PRPF6: variants seen among roughly 807,000 people sequenced by gnomAD.
PRPF6 encodes the protein pre-mRNA-processing factor 6.
In PRPF6, 42 loss-of-function variants were observed where a neutral mutation model predicts 118.3. The observed-to-expected ratio is 0.35, with a 90% CI of 0.28 to 0.46. The LOEUF (loss-of-function observed/expected upper bound fraction) is 0.46, where lower values mean the gene tolerates loss of function less well. Among genes scored for constraint, PRPF6 ranks in the 20% least tolerant of loss-of-function variants. PRPF6 has a pLI of 1.00. For synonymous variants in PRPF6, 481 were observed against 485.1 expected (o/e 0.99, Z 0.11); for missense variants, 662 against 1,255.7 (o/e 0.53, Z 7.15).
chr20:63,994,402 C>G (rs942536729), intron 4 of PRPF6, among the ~76,000 whole-genome samples: 2 of 152,176 alleles, frequency 1.3e-5, no homozygotes, highest in African/African-American at 4.8e-5. Flanking sequence ...GGTGATCTGC[C>G]CGCTTTGGCC....
At chr20:64,003,407 T>C (rs2059176356) in intron 9 of PRPF6, among the ~76,000 whole-genome samples, 1 of 152,172 alleles carries the variant, frequency 6.6e-6, no homozygotes, top group Admixed American at 6.5e-5. Flanking sequence ...GGCTCTTTGG[T>C]AGAAAGCCCC....
chr20:64,022,457 G>A (rs1041562238), intron 12 of PRPF6, among the ~76,000 whole-genome samples: 1 of 152,314 alleles, frequency 6.6e-6, no homozygotes, highest in East Asian at 1.9e-4. Flanking sequence ...ACAGGCGCAT[G>A]CCACCACGTC....
intron 3 of PRPF6, among the ~76,000 whole-genome samples, chr20:63,986,598 C>T (rs2059094631): frequency 6.7e-6 from 1 of 150,178 alleles, no homozygotes; most frequent in Non-Finnish European, 1.5e-5. Context: ...AAGTGATTCT[C>T]CTGCCTCAGC....
intron 19 of PRPF6, 31 bp from the exon 20 acceptor site, chr20:64,031,887 A>C (rs1232654270): frequency 1.2e-6 from 2 of 1,613,526 alleles, no homozygotes; most frequent in South Asian, 2.2e-5. Context: ...GCAGCCACTC[A>C]CTCTGGGTTC....
chr20:64,032,027 C>T lies in PRPF6; in HGVS notation c.2656C>T (p.Leu886=), dbSNP rs1158674776. The T allele has an allele frequency of 2.5e-6, 4 of 1,613,990 alleles. No homozygotes were observed. The African/African-American group carries it at 5.3e-5, about 22-fold the overall frequency. ...CTGGGCCTTCTTCTACAAGTTTGAG[C>T]TGCAGCATGGCACTGAGGTGAGGCC... is the stretch of plus-strand genomic sequence containing the variant. ...DAWAFFYKFE[L]QHGTEEQQEE... The change falls in exon 20 of 21, where the codon CTG becomes TTG. Residue 886 remains leucine (L), a synonymous_variant. Coordinates refer to ENST00000266079, the MANE Select transcript of PRPF6 (RefSeq NM_012469.4).
Position 64,029,857 on chromosome 20 carries a change from C to A in PRPF6, c.2546+366C>A, listed in dbSNP as rs1278626303. On this transcript the variant is annotated intron_variant, in intron 19 of 20. Coordinates refer to ENST00000266079, the MANE Select transcript of PRPF6 (RefSeq NM_012469.4). This position sits in a 1 kb window ranked among gnomAD's most constrained non-coding sequence, Gnocchi z 4.8. ...CTCTGGTCGCCGGGTCAGAGACTCA[C>A]TGGGGACGCATGTGATTCACACTGG... 2.6e-5 allele frequency among the ~76,000 whole-genome samples: 4 copies of A among 151,538 alleles called. No individual in the cohort carries two copies. Among genetic ancestry groups the A allele is most frequent in the African/African-American group, 9.7e-5 (4 of 41,114 alleles).
chr20:64,030,244 G>A (rs558670295), intron 19 of PRPF6, among the ~76,000 whole-genome samples: 1 of 152,334 alleles, frequency 6.6e-6, no homozygotes, highest in African/African-American at 2.4e-5. Context: ...ACCATGTGGG[G>A]TGAAGGGAGT....
chr20:63,986,855 CA>C (rs2059096307), intron 3 of PRPF6, among the ~76,000 whole-genome samples: 1 of 150,602 alleles, frequency 6.6e-6, no homozygotes, highest in African/African-American at 2.4e-5. Context: ...TAAAAACTCT[CA>C]AAAAACTGCA....
rs1246451499 is a variant in PRPF6 at position 64,027,214 on chromosome 20, G to GC, written c.2205+61dup. 6.3e-7 allele frequency: 1 copy of GC among 1,598,674 alleles called. No individual in the cohort carries two copies. The highest frequency in any genetic ancestry group is 1.1e-5 in the South Asian group (1 of 89,940). On this transcript the variant is annotated intron_variant, in intron 16 of 20. Transcript: ENST00000266079. This position sits in a 1 kb window ranked among gnomAD's most constrained non-coding sequence, Gnocchi z 6.5. Reference sequence around the variant, plus strand: ...GCTGACCCGGCATTCACAAAACTGAGCCCCCTGGTGCAGGGTCATTGCCCT... The same window carrying GC: ...GCTGACCCGGCATTCACAAAACTGAGCCCCCCTGGTGCAGGGTCATTGCCCT...
intron 6 of PRPF6, among the ~76,000 whole-genome samples, chr20:63,997,552 G>T (rs1354730744): frequency 6.6e-6 from 1 of 151,676 alleles, no homozygotes. Context: ...CACCTCCTGG[G>T]TTCAGGTGAT....
intron 2 of PRPF6, among the ~76,000 whole-genome samples, chr20:63,983,588 C>G (rs1601506209): frequency 7.1e-6 from 1 of 141,706 alleles, no homozygotes; most frequent in African/African-American, 2.7e-5. Context: ...GAATTTCGCT[C>G]TTGTCGGAAG....
At chr20:64,014,189 C>G (rs1381766401) in intron 11 of PRPF6, among the ~76,000 whole-genome samples, 3 of 152,068 alleles carry the variant, frequency 2.0e-5, no homozygotes, top group Non-Finnish European at 4.4e-5. Context: ...ATCCACCTGC[C>G]TCGGCCTCCC....
At chr20:64,020,550 C>A (rs1601528897) in intron 12 of PRPF6, among the ~76,000 whole-genome samples, 1 of 152,160 alleles carries the variant, frequency 6.6e-6, no homozygotes, top group Non-Finnish European at 1.5e-5. Flanking sequence ...AGACGAACCC[C>A]CAGAGGCTTT....
intron 20 of PRPF6, among the ~76,000 whole-genome samples, 172 bp from the exon 21 acceptor site, chr20:64,032,669 A>AG (rs1305669861): frequency 3.3e-5 from 5 of 152,162 alleles, no homozygotes; most frequent in African/African-American, 1.2e-4. Context: ...GGCTCCTTTG[A>AG]GGAACACACC....
chr20:64,016,859 AG>A lies in PRPF6; in HGVS notation c.1647+18del. The A allele has an allele frequency of 1.9e-6, 3 of 1,613,956 alleles. No homozygotes were observed. Among genetic ancestry groups the A allele is most frequent in the East Asian group, 2.2e-5 (1 of 44,874 alleles). On this transcript the variant is annotated intron_variant, in intron 12 of 20. Coordinates refer to ENST00000266079, the MANE Select transcript of PRPF6 (RefSeq NM_012469.4). ...GATGCTGACAGTGTGAGTTGGCAAC[AG>A]GGGCCTTTGTCCGTAATATGGAGTC...
At chr20:63,998,873 A>G (rs953620463) in intron 6 of PRPF6, among the ~76,000 whole-genome samples, 172 bp from the exon 7 acceptor site, 4 of 151,744 alleles carry the variant, frequency 2.6e-5, no homozygotes, top group Admixed American at 2.0e-4. Flanking sequence ...CTTTTTCCAT[A>G]CAGAAGAAAT....
chr20:64,028,062 G>A lies in PRPF6; in HGVS notation c.2339+326G>A, dbSNP rs1343721293. ...CTCCACAGAGGAGGTGGCGTGGAGA[G>A]CCCTGGAGGTGGACAGGAGCCTGCT... On this transcript the variant is annotated intron_variant, in intron 17 of 20. Coordinates refer to ENST00000266079, the MANE Select transcript of PRPF6 (RefSeq NM_012469.4). This position sits in a 1 kb window ranked among gnomAD's most constrained non-coding sequence, Gnocchi z 6.5. Among the ~76,000 whole-genome samples the A allele has an allele frequency of 6.6e-6, 1 of 152,202 alleles. No individual in the cohort carries two copies. Among genetic ancestry groups the A allele is most frequent in the Non-Finnish European group, 1.5e-5 (1 of 68,030 alleles).
chr20:64,000,346 A>C (rs1327497399), intron 8 of PRPF6, among the ~76,000 whole-genome samples: 2 of 150,862 alleles, frequency 1.3e-5, no homozygotes, highest in Non-Finnish European at 2.9e-5. Flanking sequence ...AAAGTTAGCC[A>C]GGCGTCGTGA....
intron 11 of PRPF6, among the ~76,000 whole-genome samples, chr20:64,014,892 C>T (rs564620146): frequency 6.6e-6 from 1 of 152,238 alleles, no homozygotes; most frequent in Admixed American, 6.5e-5. Context: ...TTCTACTGAG[C>T]GTGGTGGCTT....
Sources: allele counts gnomAD v4.1 joint callset (sites outside exome capture counted in the v4.1 genomes callset), GRCh38; gene constraint gnomAD v4.1.1; non-coding constraint Gnocchi (gnomAD v3.1); transcripts MANE v1.5; gene names NCBI Gene and HGNC (gene_info 2026-07-23, HGNC 2026-07-21).